The following RMDN1 variants were observed in gnomAD, a reference collection of about 807,000 sequenced individuals.
RMDN1 encodes the protein regulator of microtubule dynamics 1, also known as regulator of microtubule dynamics protein 1.
RMDN1 carries 48 observed loss-of-function variants against 48.9 expected under a neutral mutation model. The observed-to-expected ratio is 0.98, with a 90% CI of 0.78 to 1.25. RMDN1 has a LOEUF of 1.25. Among genes scored for constraint, RMDN1 ranks in the 50% most tolerant of loss-of-function variants. RMDN1 has a pLI of 0.00. For synonymous variants in RMDN1, 148 were observed against 132.6 expected (o/e 1.12, Z -0.80); for missense variants, 418 against 373.4 (o/e 1.12, Z -0.98).
chr8:86,508,564 C>T lies in RMDN1; in HGVS notation c.57G>A (p.Pro19=). 1.9e-6 allele frequency: 3 copies of T among 1,600,470 alleles called. No homozygotes were observed. Among genetic ancestry groups the T allele is most frequent in the Non-Finnish European group, 2.6e-6 (3 of 1,175,414 alleles). ...AAGTCCCCGCAGGGAGACGAGACCC[C>T]GGGGCGGCTCCACGTCGGAAAGGCA... ...RLLPFRRGAA[P]GSRLPAGTSG... is the part of the protein sequence containing the mutation. The change falls in exon 1 of 10, where the codon CCG becomes CCA. Residue 19 remains proline (P), a synonymous_variant. Transcript: ENST00000406452.
rs568620525 is a variant in RMDN1, at chr8:86,476,642, A to T, written c.760+652T>A. Among the ~76,000 whole-genome samples, 4 of 152,360 alleles carry T rather than the reference A, an allele frequency of 2.6e-5. No individual in the cohort carries two copies. The East Asian group carries it at 7.7e-4, about 29-fold the overall frequency. On this transcript the variant is annotated intron_variant, in intron 8 of 9. Transcript: ENST00000406452. Reference sequence around the variant, plus strand: ...TCTTTTTCACAATATCTGCAATAGAACTAGCCTGGCTGAATAGCAGAATTC... The same window carrying T: ...TCTTTTTCACAATATCTGCAATAGATCTAGCCTGGCTGAATAGCAGAATTC...
intron 2 of RMDN1, among the ~76,000 whole-genome samples, chr8:86,493,480 G>A (rs1816839536): frequency 6.6e-6 from 1 of 152,144 alleles, no homozygotes; most frequent in African/African-American, 2.4e-5. Flanking sequence ...ATACACAAAT[G>A]GAGTATTATT....
chr8:86,474,710 T>C, intron 9 of RMDN1, 110 bp downstream of exon 9: 1 of 1,022,934 alleles, frequency 9.8e-7, no homozygotes, highest in Non-Finnish European at 1.5e-6. Flanking sequence ...AACACACTTG[T>C]TTTCAACAAT....
intron 2 of RMDN1, chr8:86,503,580 G>T: frequency 4.7e-6 from 2 of 422,094 alleles, no homozygotes; most frequent in Non-Finnish European, 9.4e-6. Flanking sequence ...AGGACCATGC[G>T]GACACAGAAG....
intron 3 of RMDN1, among the ~76,000 whole-genome samples, chr8:86,486,872 A>G (rs535301854): frequency 3.3e-5 from 5 of 152,262 alleles, no homozygotes; most frequent in African/African-American, 1.2e-4. Context: ...ACTTACCTCT[A>G]GTATCTAAAA....
intron 7 of RMDN1, 75 bp downstream of exon 7, chr8:86,478,848 A>C: frequency 1.8e-6 from 2 of 1,133,620 alleles, no homozygotes; most frequent in Non-Finnish European, 1.3e-6. Context: ...TCAGAGCTCC[A>C]CATGTGTGAA....
chr8:86,479,365 G>GCT, intron 6 of RMDN1, among the ~76,000 whole-genome samples: 1 of 152,186 alleles, frequency 6.6e-6, no homozygotes, highest in South Asian at 2.1e-4. Flanking sequence ...AAAACTCAGA[G>GCT]AAGTTAAACC....
At chr8:86,505,372 T>C (rs563009207) in intron 2 of RMDN1, 22 of 457,042 alleles carry the variant, frequency 4.8e-5, no homozygotes, top group Non-Finnish European at 9.2e-5. Context: ...GGTTCTAATA[T>C]TGCCGCACTA....
Position 86,488,613 on chromosome 8 carries a change from A to G in RMDN1, c.274T>C (p.Tyr92His), listed in dbSNP as rs1237037954. ...TCTGTTTCTCCGCTTTCATACAGGT[A>G]GTCTGCTTGTTCAAGTATTTCTTCA... ...KVEEILEQADYLYESGETEKL... is the reference protein window; with the variant it reads ...KVEEILEQADHLYESGETEKL... Residue 92 changes from tyrosine to histidine, a missense_variant, in exon 3 of 10, where the codon TAC (tyrosine) becomes CAC (histidine). Tyr to His is a moderately conservative substitution (Grantham distance 83, BLOSUM62 2). Coordinates refer to ENST00000406452, the MANE Select transcript of RMDN1 (RefSeq NM_016033.3). 2 of 1,610,052 alleles carry G rather than the reference A, an allele frequency of 1.2e-6. No homozygotes were observed. The highest frequency in any genetic ancestry group is 2.2e-5 in the East Asian group (1 of 44,612).
At chr8:86,489,144 G>A (rs1300894562) in intron 2 of RMDN1, among the ~76,000 whole-genome samples, 4 of 152,086 alleles carry the variant, frequency 2.6e-5, no homozygotes, top group Non-Finnish European at 5.9e-5. Flanking sequence ...AGCACTGAAT[G>A]TTAGTAATTT....
rs182881244 is a variant in RMDN1, at chr8:86,484,653, G to A, written c.585+219C>T. 6.3e-4 allele frequency: 187 copies of A among 297,358 alleles called. 1 individual carries two copies. The highest frequency in any genetic ancestry group is 1.5e-3 in the South Asian group (18 of 11,626). 18.4% of individuals were successfully genotyped at this position (297,358 alleles called of 1,614,324 possible). On this transcript the variant is annotated intron_variant, in intron 5 of 9. Coordinates refer to ENST00000406452, the MANE Select transcript of RMDN1 (RefSeq NM_016033.3). ...AAATTGCTTGAACCCGGGAGGCGGA[G>A]GTTGTAGTGAGCTGAGATAGCACCA...
chr8:86,493,798 G>A (rs543453836), intron 2 of RMDN1, among the ~76,000 whole-genome samples: 2 of 152,224 alleles, frequency 1.3e-5, no homozygotes, highest in South Asian at 4.1e-4. Flanking sequence ...TTACCTTCAG[G>A]TTATGTGCAT....
At chr8:86,489,634 A>G (rs561637377) in intron 2 of RMDN1, among the ~76,000 whole-genome samples, 2 of 152,294 alleles carry the variant, frequency 1.3e-5, no homozygotes, top group South Asian at 4.1e-4. Context: ...GATTGAGACC[A>G]GCCTAGCCAA....
intron 1 of RMDN1, 143 bp downstream of exon 1, chr8:86,508,349 C>G: frequency 1.2e-6 from 1 of 853,980 alleles, no homozygotes; most frequent in East Asian, 3.1e-5. Context: ...CCTGTCCGGG[C>G]GTTCCAGGCA....
In RMDN1 at chr8:86,474,871, G is replaced by A. The variant is rs1813103651; in HGVS notation, c.843C>T (p.Phe281=). The A allele has an allele frequency of 1.9e-6, 3 of 1,612,978 alleles. No homozygotes were observed. The highest frequency in any genetic ancestry group is 2.5e-6 in the Non-Finnish European group (3 of 1,179,584). The change falls in exon 9 of 10, where the codon TTC becomes TTT. Residue 281 remains phenylalanine, a synonymous_variant. Coordinates refer to ENST00000406452, the MANE Select transcript of RMDN1 (RefSeq NM_016033.3). ...LKLHNKKLAA[F]WLMKAKDYPA... is the part of the protein sequence containing the mutation. ...GATAGTCCTTGGCTTTCATTAGCCA[G>A]AAAGCAGCAAGCTTTTTGTTGTGTA...
At chr8:86,498,861 T>C (rs1001217295) in intron 2 of RMDN1, among the ~76,000 whole-genome samples, 2 of 111,892 alleles carry the variant, frequency 1.8e-5, no homozygotes, top group Admixed American at 1.1e-4. Flanking sequence ...ATTGAAAAGA[T>C]AATACACCAC....
At chr8:86,481,902 G>A in intron 5 of RMDN1, 3 of 778,966 alleles carry the variant, frequency 3.9e-6, no homozygotes, top group Admixed American at 2.4e-5. Context: ...AACAAAGTGG[G>A]GTGGCTCGGC....
chr8:86,474,843 C>T lies in RMDN1; in HGVS notation c.871G>A (p.Ala291Thr), dbSNP rs376317535. 30 of 1,611,916 alleles carry T rather than the reference C, an allele frequency of 1.9e-5. No homozygotes were observed. In the African/African-American group the frequency reaches 3.5e-4, roughly 19 times the overall value. Residue 291 changes from alanine to threonine, a missense_variant, in exon 9 of 10, where the codon GCA becomes ACA. Physicochemically the swap from Ala to Thr is moderately conservative, Grantham distance 58. Transcript: ENST00000406452. The stretch of plus-strand genomic sequence containing the variant: ...ACCTGTTTATCCTCCTCTGTGTGTG[C>T]TGGATAGTCCTTGGCTTTCATTAGC... ...FWLMKAKDYP[A>T]HTEEDKQIQT... is the part of the protein sequence containing the mutation.
In RMDN1 at chr8:86,473,826, A is replaced by C. The variant is rs1812912293; in HGVS notation, c.*482T>G. 4.1e-6 allele frequency: 4 copies of C among 985,360 alleles called. No individual in the cohort carries two copies. The African/African-American group carries it at 7.0e-5, about 17-fold the overall frequency. 61.0% of individuals were successfully genotyped at this position (985,360 alleles called of 1,614,324 possible). A position where few individuals can be genotyped will look rare whatever the true frequency, so the allele number is the denominator to read the frequency against. The stretch of plus-strand genomic sequence containing the variant: ...CATCTCCTTACTTAGTTCTTTACTT[A>C]CACAGGTTAGCTCCAAGATATATCA... On this transcript the variant is annotated 3_prime_UTR_variant, in exon 10 of 10. Transcript: ENST00000406452.
Sources: allele counts gnomAD v4.1 joint callset (sites outside exome capture counted in the v4.1 genomes callset), GRCh38; gene constraint gnomAD v4.1.1; transcripts MANE v1.5; gene names NCBI Gene and HGNC (gene_info 2026-07-23, HGNC 2026-07-21).